SIGLEC15: variants seen among roughly 807,000 people sequenced by gnomAD.
The protein encoded by SIGLEC15 is sialic acid-binding Ig-like lectin 15.
A neutral mutation model predicts 26.2 loss-of-function variants in SIGLEC15; 31 were observed. That is an observed-to-expected ratio of 1.18 (90% CI 0.89 to 1.60). The LOEUF (loss-of-function observed/expected upper bound fraction) is 1.60, where lower values mean the gene tolerates loss of function less well. Among genes scored for constraint, SIGLEC15 ranks in the 40% most tolerant of loss-of-function variants. SIGLEC15 has a pLI of 0.00. For missense variants in SIGLEC15, 501 were observed against 488.4 expected (o/e 1.03, Z -0.24); for synonymous variants, 207 against 221.9 (o/e 0.93, Z 0.60).
intron 1 of SIGLEC15, among the ~76,000 whole-genome samples, chr18:45,832,842 C>A (rs532113053): frequency 1.6e-4 from 24 of 152,230 alleles, no homozygotes; most frequent in African/African-American, 5.8e-4. Context: ...TTTCCCTGGG[C>A]AAATCCTGCT....
Position 45,837,718 on chromosome 18 carries a change from G to C in SIGLEC15, c.318G>C (p.Thr106=), listed in dbSNP as rs746769095. 16 of 1,493,822 alleles carry C rather than the reference G, an allele frequency of 1.1e-5. No individual in the cohort carries two copies. The South Asian group carries it at 1.4e-4, about 13-fold the overall frequency. 92.5% of individuals were successfully genotyped at this position (1,493,822 alleles called of 1,614,324 possible). A position where few individuals can be genotyped will look rare whatever the true frequency, so the allele number is the denominator to read the frequency against. ...CGCGGGGCAGCGAGCTCTGCCAGAC[G>C]GCGCTGAGCCTGCACGGCCGCTTCC... ...AAARGSELCQ[T]ALSLHGRFRL... is the part of the protein sequence containing the mutation. Residue 106 remains threonine, a synonymous_variant, in exon 3 of 6, where the codon ACG becomes ACC. Coordinates refer to ENST00000389474, the MANE Select transcript of SIGLEC15 (RefSeq NM_213602.3).
In SIGLEC15 at chr18:45,843,530, T is replaced by C. The variant is rs2048342485; in HGVS notation, c.*1343T>C. On this transcript the variant is annotated 3_prime_UTR_variant, in exon 6 of 6. Coordinates refer to ENST00000389474, the MANE Select transcript of SIGLEC15 (RefSeq NM_213602.3). ...AGAAAGAGGAATCCCCATATACTAT[T>C]GGTGGGAATGTAAATTAGTATAGCC... 6.6e-6 allele frequency: 1 copy of C among 152,156 alleles called. No homozygotes were observed. Among genetic ancestry groups the C allele is most frequent in the Non-Finnish European group, 1.5e-5 (1 of 68,032 alleles). The allele number at this position is 152,156 out of a possible 1,614,324, so 9.4% of individuals were successfully genotyped here.
chr18:45,840,804 T>C, intron 5 of SIGLEC15: 1 of 152,466 alleles, frequency 6.6e-6, no homozygotes, highest in Non-Finnish European at 1.5e-5. Flanking sequence ...CTCCCATAAC[T>C]CCACCCACCT....
intron 1 of SIGLEC15, among the ~76,000 whole-genome samples, chr18:45,826,534 G>A (rs969131669): frequency 2.0e-5 from 3 of 152,100 alleles, no homozygotes; most frequent in Non-Finnish European, 4.4e-5. Context: ...GACACTCGAT[G>A]CATTTGAGGG....
Position 45,842,143 on chromosome 18 carries a change from C to T in SIGLEC15, c.943C>T (p.Gln315Ter). ...AQESNYENLS[Q>*]MNPRSPPATM... ...GGAGTCCAATTATGAAAATTTGAGC[C>T]AGATGAACCCCCGGAGCCCACCAGC... The change falls in exon 6 of 6, where the codon CAG (glutamine) becomes TAG (stop). Residue 315 changes from glutamine (Q) to a stop codon, truncating the protein, a stop_gained. Transcript: ENST00000389474. LOFTEE classifies it low-confidence loss of function (END_TRUNC). 6.2e-7 allele frequency: 1 copy of T among 1,614,196 alleles called. No homozygotes were observed. Among genetic ancestry groups the T allele is most frequent in the African/African-American group, 1.3e-5 (1 of 75,044 alleles).
chr18:45,826,847 C>A (rs2048188699), intron 1 of SIGLEC15, among the ~76,000 whole-genome samples: 1 of 152,226 alleles, frequency 6.6e-6, no homozygotes. Context: ...GCACAGCTGT[C>A]ACCACATGCT....
Position 45,842,255 on chromosome 18 carries a change from G to T in SIGLEC15, c.*68G>T. Reference sequence around the variant, plus strand: ...ACAAAGGCCAGTGCGAGGCTTGGCTGGCACAGCCAGTCCTGGTTCTCGGGC... The same window carrying T: ...ACAAAGGCCAGTGCGAGGCTTGGCTTGCACAGCCAGTCCTGGTTCTCGGGC... On this transcript the variant is annotated 3_prime_UTR_variant, in exon 6 of 6. Transcript: ENST00000389474. The T allele has an allele frequency of 6.4e-7, 1 of 1,560,924 alleles. No individual in the cohort carries two copies. Among genetic ancestry groups the T allele is most frequent in the South Asian group, 1.1e-5 (1 of 89,888 alleles).
At chr18:45,839,946 C>T (rs1224266146) in intron 4 of SIGLEC15, among the ~76,000 whole-genome samples, 2 of 152,078 alleles carry the variant, frequency 1.3e-5, no homozygotes, top group Non-Finnish European at 2.9e-5. Context: ...CTTTCTTGCC[C>T]GTTTCTTGGA....
chr18:45,832,484 G>A (rs538469523), intron 1 of SIGLEC15, among the ~76,000 whole-genome samples: 157 of 151,348 alleles, frequency 1.0e-3, no homozygotes, highest in African/African-American at 3.7e-3. Context: ...CCTAGGACGT[G>A]CCAGGCACAG....
In SIGLEC15 at chr18:45,838,982, G is replaced by T; in HGVS notation, c.761G>T (p.Arg254Leu). The T allele has an allele frequency of 1.9e-6, 3 of 1,600,454 alleles. No homozygotes were observed. Among genetic ancestry groups the T allele is most frequent in the Non-Finnish European group, 2.5e-6 (3 of 1,177,330 alleles). ...GRSEASVYLF[R>L]FHGASGASTV... The stretch of plus-strand genomic sequence containing the variant: ...TCCGAGGCCAGCGTCTACCTGTTCC[G>T]CTTCCATGGCGCCAGCGGGGCCTCG... Residue 254 changes from arginine (R) to leucine (L), a missense_variant, in exon 4 of 6, where the codon CGC (arginine) becomes CTC (leucine). Coordinates refer to ENST00000389474, the MANE Select transcript of SIGLEC15 (RefSeq NM_213602.3).
At chr18:45,832,957 T>C (rs1233478237) in intron 1 of SIGLEC15, among the ~76,000 whole-genome samples, 1 of 151,962 alleles carries the variant, frequency 6.6e-6, no homozygotes, top group African/African-American at 2.4e-5. Context: ...ATTCAGCAGG[T>C]AAACAGGAAG....
intron 3 of SIGLEC15, chr18:45,838,511 T>C: frequency 1.4e-6 from 1 of 704,504 alleles, no homozygotes; most frequent in Non-Finnish European, 2.2e-6. Context: ...GCAACTGCTA[T>C]CATGATCCTC....
At chr18:45,837,931 T>TTCCCGCCC in intron 3 of SIGLEC15, 35 bp downstream of exon 3, 2 of 1,451,616 alleles carry the variant, frequency 1.4e-6, no homozygotes, top group East Asian at 2.9e-5. Flanking sequence ...CCGGCCTCCC[T>TTCCCGCCC]TCCCGCCCTC....
At position 45,829,972 on chromosome 18, in the gene SIGLEC15, G is replaced by A. The variant is rs563504865; in HGVS notation, c.52+4192G>A. The stretch of plus-strand genomic sequence containing the variant: ...GCCATTATTCCACCACGACTACCAC[G>A]GGACTCACTTTCCTGTCTGTGACAC... On this transcript the variant is annotated intron_variant, in intron 1 of 5. Coordinates refer to ENST00000389474, the MANE Select transcript of SIGLEC15 (RefSeq NM_213602.3). 1.1e-4 allele frequency among the ~76,000 whole-genome samples: 16 copies of A among 152,236 alleles called. No individual in the cohort carries two copies. In the South Asian group the frequency reaches 2.1e-3, roughly 20 times the overall value.
intron 4 of SIGLEC15, among the ~76,000 whole-genome samples, chr18:45,839,816 C>G (rs28502166): frequency 1.6e-3 from 241 of 152,278 alleles, no homozygotes; most frequent in African/African-American, 5.5e-3. Flanking sequence ...CCCTGTGCCC[C>G]AGAGAGGGAG....
At chr18:45,839,797 A>C (rs2048309361) in intron 4 of SIGLEC15, among the ~76,000 whole-genome samples, 1 of 152,236 alleles carries the variant, frequency 6.6e-6, no homozygotes, top group Non-Finnish European at 1.5e-5. Flanking sequence ...GATCTGGATC[A>C]GAAATCTGCC....
At chr18:45,828,474 G>A (rs1000146526) in intron 1 of SIGLEC15, among the ~76,000 whole-genome samples, 2 of 152,092 alleles carry the variant, frequency 1.3e-5, no homozygotes, top group Admixed American at 1.3e-4. Flanking sequence ...ACACTGGTCT[G>A]GGAGCTCCAA....
At position 45,837,599 on chromosome 18, in the gene SIGLEC15, A is replaced by T; in HGVS notation, c.199A>T (p.Thr67Ser). Residue 67 changes from threonine to serine, a missense_variant, in exon 3 of 6, where the codon ACG becomes TCG. Thr to Ser is a moderately conservative substitution (Grantham distance 58, BLOSUM62 1). Transcript: ENST00000389474. ...GDAAVLPCTF[T>S]HPHRHYDGPL... ...CGCGGCAGTGCTGCCCTGCACCTTC[A>T]CGCACCCGCACCGCCACTACGACGG... 6.6e-7 allele frequency: 1 copy of T among 1,510,498 alleles called. No homozygotes were observed. The highest frequency in any genetic ancestry group is 8.8e-7 in the Non-Finnish European group (1 of 1,137,072). The allele number at this position is 1,510,498 out of a possible 1,614,324, so 93.6% of individuals were successfully genotyped here. A position where few individuals can be genotyped will look rare whatever the true frequency, so the allele number is the denominator to read the frequency against.
intron 1 of SIGLEC15, among the ~76,000 whole-genome samples, chr18:45,834,541 C>A (rs1021658959): frequency 1.3e-5 from 2 of 152,212 alleles, no homozygotes; most frequent in Non-Finnish European, 2.9e-5. Flanking sequence ...TGGTGAGTGA[C>A]ATGGCCAGAA....
Sources: gnomAD v4.1 joint callset for allele counts (sites outside exome capture counted in the v4.1 genomes callset) on GRCh38, gnomAD v4.1.1 for gene constraint, MANE v1.5 for transcripts, NCBI Gene and HGNC (gene_info 2026-07-23, HGNC 2026-07-21) for gene names.